SLC22A3: variants seen among roughly 807,000 people sequenced by gnomAD.
SLC22A3 encodes the protein solute carrier family 22 member 3, also known as EMT organic cation transporter 3.
In SLC22A3, 51 loss-of-function variants were observed where a neutral mutation model predicts 59.1. The ratio of observed to expected loss-of-function variants is 0.86; its 90% CI spans 0.69 to 1.09. The LOEUF is 1.09. SLC22A3 is among the 50% of genes least tolerant of loss of function. SLC22A3 has a pLI of 0.00. For missense variants in SLC22A3, 711 were observed against 726.3 expected (o/e 0.98, Z 0.24); for synonymous variants, 325 against 292.0 (o/e 1.11, Z -1.15).
intron 1 of SLC22A3, among the ~76,000 whole-genome samples, chr6:160,349,480 G>GT (rs34841782): frequency 0.49 from 73,892 of 151,420 alleles, 18,154 homozygotes; most frequent in African/African-American, 0.55. Flanking sequence ...ATAAATTTTA[G>GT]TTTTTTTTTC....
chr6:160,379,535 C>G (rs1477813035), intron 1 of SLC22A3, among the ~76,000 whole-genome samples: 8 of 151,428 alleles, frequency 5.3e-5, no homozygotes, highest in Non-Finnish European at 1.0e-4. Context: ...CCATAAAAGT[C>G]AGTGAAAATC....
intron 9 of SLC22A3, 24 bp downstream of exon 9, chr6:160,443,766 A>AAG (rs1182717430): frequency 7.0e-7 from 1 of 1,435,680 alleles, no homozygotes; most frequent in South Asian, 1.2e-5. Context: ...TGCTATTCTT[A>AAG]AGAGCCTTCA....
intron 5 of SLC22A3, among the ~76,000 whole-genome samples, chr6:160,417,642 T>C (rs1241138480): frequency 6.6e-6 from 1 of 152,240 alleles, no homozygotes; most frequent in Non-Finnish European, 1.5e-5. Flanking sequence ...CTATAAATGT[T>C]GGGCATGGCA....
intron 1 of SLC22A3, among the ~76,000 whole-genome samples, chr6:160,397,328 C>T (rs1370908125): frequency 6.6e-6 from 1 of 151,930 alleles, no homozygotes; most frequent in Non-Finnish European, 1.5e-5. Flanking sequence ...CAGTAATGCT[C>T]GTGGCCCACT....
At chr6:160,361,612 C>T (rs1383577081) in intron 1 of SLC22A3, among the ~76,000 whole-genome samples, 3 of 152,174 alleles carry the variant, frequency 2.0e-5, no homozygotes, top group African/African-American at 7.2e-5. Context: ...CTTCATGAGG[C>T]ATGTGCCATT....
At chr6:160,406,310 C>T (rs76616387) in intron 2 of SLC22A3, among the ~76,000 whole-genome samples, 2 of 152,254 alleles carry the variant, frequency 1.3e-5, no homozygotes, top group African/African-American at 4.8e-5. Flanking sequence ...AGAATCAAAT[C>T]TCTTAATGGA....
chr6:160,447,735 C>CA lies in SLC22A3; in HGVS notation c.1527_1528insA (p.Cys510MetfsTer10), dbSNP rs1462518869. 6.2e-7 allele frequency: 1 copy of CA among 1,614,000 alleles called. No individual in the cohort carries two copies. Among genetic ancestry groups the CA allele is most frequent in the African/African-American group, 1.3e-5 (1 of 75,022 alleles). ...ATTCCATAGGTATCCTGGCATCCAT[C>CA]TGTGGTGGCCTTGTGATGCTTTTGC... On this transcript the variant is annotated frameshift_variant, in exon 10 of 11. Coordinates refer to ENST00000275300, the MANE Select transcript of SLC22A3 (RefSeq NM_021977.4). LOFTEE classifies it high-confidence loss of function.
At chr6:160,430,330 CAT>C (rs1284277209) in intron 5 of SLC22A3, among the ~76,000 whole-genome samples, 2 of 152,114 alleles carry the variant, frequency 1.3e-5, no homozygotes, top group African/African-American at 2.4e-5. Flanking sequence ...TAGAATACCA[CAT>C]GTCTGGCCTA....
At chr6:160,447,123 T>C (rs1280196288) in intron 9 of SLC22A3, among the ~76,000 whole-genome samples, 3 of 151,874 alleles carry the variant, frequency 2.0e-5, no homozygotes, top group Admixed American at 2.0e-4. Context: ...AAAGAAAGGA[T>C]GGTAATGGAA....
chr6:160,423,455 G>A (rs1264133445), intron 5 of SLC22A3, among the ~76,000 whole-genome samples: 1 of 151,982 alleles, frequency 6.6e-6, no homozygotes, highest in African/African-American at 2.4e-5. Flanking sequence ...CAAACAGTGT[G>A]AAAGTGTTTC....
chr6:160,448,543 A>AATC (rs973010174), intron 10 of SLC22A3, among the ~76,000 whole-genome samples: 1 of 152,186 alleles, frequency 6.6e-6, no homozygotes, highest in African/African-American at 2.4e-5. Flanking sequence ...TAGATGATAG[A>AATC]TAATAAACAT....
chr6:160,406,653 T>C (rs1304987815), intron 2 of SLC22A3, among the ~76,000 whole-genome samples: 1 of 152,198 alleles, frequency 6.6e-6, no homozygotes, highest in African/African-American at 2.4e-5. Flanking sequence ...GACTGGTAGA[T>C]GGTTGAGGTG....
intron 1 of SLC22A3, among the ~76,000 whole-genome samples, chr6:160,356,444 C>T (rs148199279): frequency 2.8e-4 from 42 of 152,308 alleles, no homozygotes; most frequent in Non-Finnish European, 4.6e-4. Flanking sequence ...AATGTGCTGA[C>T]GTCCATTGTG....
chr6:160,373,079 C>T (rs954823397), intron 1 of SLC22A3, among the ~76,000 whole-genome samples: 14 of 152,182 alleles, frequency 9.2e-5, no homozygotes, highest in Admixed American at 7.2e-4. Flanking sequence ...TGGCGAGAAG[C>T]AGTGTCCTGG....
At chr6:160,430,980 A>C (rs894419401) in intron 5 of SLC22A3, among the ~76,000 whole-genome samples, 1 of 152,148 alleles carries the variant, frequency 6.6e-6, no homozygotes, top group Admixed American at 6.5e-5. Flanking sequence ...ACTTTTGGGG[A>C]TCATGGAAAG....
intron 5 of SLC22A3, among the ~76,000 whole-genome samples, chr6:160,411,244 CTTTT>C (rs555716976): frequency 1.3e-5 from 2 of 151,956 alleles, no homozygotes; most frequent in African/African-American, 4.8e-5. Context: ...AACTGTAAAA[CTTTT>C]TTTGACTTTT....
intron 5 of SLC22A3, among the ~76,000 whole-genome samples, chr6:160,435,381 G>T (rs1788300776): frequency 6.6e-6 from 1 of 152,172 alleles, no homozygotes; most frequent in African/African-American, 2.4e-5. Flanking sequence ...TCAGTTGTAG[G>T]ACACCTTCCA....
chr6:160,451,103 T>C lies in SLC22A3; in HGVS notation c.*47T>C. Reference sequence around the variant, plus strand: ...GAAGGAGCTATCCAGGAGCTGATCCTCCTTGCAAAGCTGTGCCTTGCAGAG... The same window carrying C: ...GAAGGAGCTATCCAGGAGCTGATCCCCCTTGCAAAGCTGTGCCTTGCAGAG... On this transcript the variant is annotated 3_prime_UTR_variant, in exon 11 of 11. Coordinates refer to ENST00000275300, the MANE Select transcript of SLC22A3 (RefSeq NM_021977.4). The C allele has an allele frequency of 1.3e-6, 2 of 1,550,460 alleles. No individual in the cohort carries two copies. The highest frequency in any genetic ancestry group is 1.8e-6 in the Non-Finnish European group (2 of 1,136,904).
At chr6:160,400,136 A>C (rs1170082539) in intron 2 of SLC22A3, among the ~76,000 whole-genome samples, 2 of 143,790 alleles carry the variant, frequency 1.4e-5, no homozygotes, top group Non-Finnish European at 3.0e-5. Context: ...ACAAGGTTCC[A>C]AAGGTGAATA....
Sources: gnomAD v4.1 joint callset for allele counts (sites outside exome capture counted in the v4.1 genomes callset) on GRCh38, gnomAD v4.1.1 for gene constraint, MANE v1.5 for transcripts, NCBI Gene and HGNC (gene_info 2026-07-23, HGNC 2026-07-21) for gene names.